Variants in CLTB observed in about 807,000 individuals in gnomAD.
The protein encoded by CLTB is clathrin light chain B.
A neutral mutation model predicts 30.5 loss-of-function variants in CLTB; 10 were observed. The ratio of observed to expected loss-of-function variants is 0.33; its 90% CI spans 0.20 to 0.56. The LOEUF (loss-of-function observed/expected upper bound fraction) is 0.56, where lower values mean the gene tolerates loss of function less well. CLTB is among the 20% of genes least tolerant of loss of function. The probability of loss-of-function intolerance (pLI) is 0.91; values close to 1 mark genes in which losing one functional copy is unlikely to be tolerated. For missense variants in CLTB, 261 were observed against 308.3 expected (o/e 0.85, Z 1.15); for synonymous variants, 102 against 120.3 (o/e 0.85, Z 1.00).
rs529868498 is a variant in CLTB, at chr5:176,411,971, T to G, written c.188-1668A>C. Among the ~76,000 whole-genome samples the G allele has an allele frequency of 1.7e-3, 251 of 151,962 alleles. 2 individuals carry two copies. The highest frequency in any genetic ancestry group is 3.9e-3 in the South Asian group (19 of 4,816). ...GTGGGCAGATCACGAAGTCAGGAGA[T>G]CGAGACCATCCTGGCTAACACGGTG... On this transcript the variant is annotated intron_variant, in intron 1 of 5. Coordinates refer to ENST00000310418, the MANE Select transcript of CLTB (RefSeq NM_007097.5).
chr5:176,416,222 C>T lies in CLTB; in HGVS notation c.142G>A (p.Ala48Thr). The change falls in exon 1 of 6, where the codon GCC (alanine) becomes ACC (threonine). Residue 48 changes from alanine (A) to threonine (T), a missense_variant. Physicochemically the swap from Ala to Thr is moderately conservative, Grantham distance 58. Around this residue, in one of 3 missense-constraint regions of CLTB, gnomAD observed 113 missense variants for 102.5 expected, o/e 1.10. Coordinates refer to ENST00000310418, the MANE Select transcript of CLTB (RefSeq NM_007097.5). ...IENDEGFGAP[A>T]GSHAAPAQPG... ...TGCGCGGGGGCCGCATGGCTGCCGGCAGGTGCCCCGAAGCCCTCGTCGTTC... is the reference window on the plus strand; with the variant it reads ...TGCGCGGGGGCCGCATGGCTGCCGGTAGGTGCCCCGAAGCCCTCGTCGTTC... The T allele has an allele frequency of 6.3e-7, 1 of 1,598,290 alleles. No homozygotes were observed. Among genetic ancestry groups the T allele is most frequent in the Non-Finnish European group, 8.5e-7 (1 of 1,174,776 alleles).
At chr5:176,405,489 C>CAAAAAAAAAAAAAAA (rs988554368) in intron 2 of CLTB, 1 of 52,238 alleles carries the variant, frequency 1.9e-5, no homozygotes, top group Non-Finnish European at 3.6e-5. Flanking sequence ...CCCTGTCTCT[C>CAAAAAAAAAAAAAAA]AAAAAAAAAA....
rs138241670 is a variant in CLTB at position 176,414,510 on chromosome 5, C to T, written c.187+1667G>A. 1.9e-4 allele frequency among the ~76,000 whole-genome samples: 29 copies of T among 149,564 alleles called. No homozygotes were observed. The East Asian group carries it at 4.3e-3, about 22-fold the overall frequency. ...ACAGAGACGTGATCACAGCACACGG[C>T]GACCTACCTACACCTCCCGGGCTCA... On this transcript the variant is annotated intron_variant, in intron 1 of 5. Coordinates refer to ENST00000310418, the MANE Select transcript of CLTB (RefSeq NM_007097.5).
rs769037112 is a variant in CLTB at position 176,416,319 on chromosome 5, G to T, written c.45C>A (p.Ala15=). ...CCGGGTCCTCCTCCGCCGCCTCCGGGGCACCGCTCTCCGACGACGAGAAGA... is the reference window on the plus strand; with the variant it reads ...CCGGGTCCTCCTCCGCCGCCTCCGGTGCACCGCTCTCCGACGACGAGAAGA... The part of the protein sequence containing the change: ...FGFFSSSESG[A]PEAAEEDPAA... The change falls in exon 1 of 6, where the codon GCC becomes GCA. Residue 15 remains alanine, a synonymous_variant. Coordinates refer to ENST00000310418, the MANE Select transcript of CLTB (RefSeq NM_007097.5). 3 of 1,603,064 alleles carry T rather than the reference G, an allele frequency of 1.9e-6. No individual in the cohort carries two copies. Among genetic ancestry groups the T allele is most frequent in the Non-Finnish European group, 2.6e-6 (3 of 1,176,440 alleles).
chr5:176,415,355 C>A (rs940288462), intron 1 of CLTB, among the ~76,000 whole-genome samples: 1 of 152,084 alleles, frequency 6.6e-6, no homozygotes, highest in African/African-American at 2.4e-5. Flanking sequence ...GCAGTGTGGT[C>A]AGGTGGAGAG....
chr5:176,399,914 G>A (rs1258340651), intron 2 of CLTB, among the ~76,000 whole-genome samples: 2 of 145,860 alleles, frequency 1.4e-5, no homozygotes, highest in African/African-American at 2.5e-5. Flanking sequence ...GGAATAGACC[G>A]GGCACAGTGA....
Position 176,410,282 on chromosome 5 carries a change from G to A in CLTB, c.209C>T (p.Thr70Ile). 6.2e-7 allele frequency: 1 copy of A among 1,613,980 alleles called. No individual in the cohort carries two copies. Among genetic ancestry groups the A allele is most frequent in the Non-Finnish European group, 8.5e-7 (1 of 1,179,952 alleles). ...CTGAAACACATCTCCATTGACTGTG[G>A]TCCCCATGTCCTCAGAACCAGCTGG... ...TSGAGSEDMG[T>I]TVNGDVFQEA... The change falls in exon 2 of 6, where the codon ACC becomes ATC. Residue 70 changes from threonine to isoleucine, a missense_variant. This residue lies in a region of CLTB where 113 missense variants were observed against 102.5 expected (regional missense o/e 1.10). Coordinates refer to ENST00000310418, the MANE Select transcript of CLTB (RefSeq NM_007097.5).
At position 176,405,102 on chromosome 5, in the gene CLTB, C is replaced by CA. The variant is rs1757037939; in HGVS notation, c.234+5154dup. On this transcript the variant is annotated intron_variant, in intron 2 of 5. Coordinates refer to ENST00000310418, the MANE Select transcript of CLTB (RefSeq NM_007097.5). Reference sequence around the variant, plus strand: ...GCTGGTGCCTACACAGAGAAGAACTCAATCTGTTAGCTCCTAATGCTTCCC... The same window carrying CA: ...GCTGGTGCCTACACAGAGAAGAACTCAAATCTGTTAGCTCCTAATGCTTCCC... Among the ~76,000 whole-genome samples, 2 of 152,332 alleles carry CA rather than the reference C, an allele frequency of 1.3e-5. 1 individual carries two copies. The highest frequency in any genetic ancestry group is 4.1e-4 in the South Asian group (2 of 4,820).
At chr5:176,407,777 G>A (rs897027106) in intron 2 of CLTB, among the ~76,000 whole-genome samples, 1 of 152,132 alleles carries the variant, frequency 6.6e-6, no homozygotes, top group Non-Finnish European at 1.5e-5. Context: ...TGACTCCCTC[G>A]GGCCCAACTA....
chr5:176,397,245 C>G (rs563364125), intron 4 of CLTB, among the ~76,000 whole-genome samples: 4 of 152,100 alleles, frequency 2.6e-5, no homozygotes, highest in African/African-American at 9.7e-5. Context: ...GACCTTGTAC[C>G]GTGAAGGACA....
At chr5:176,395,416 G>A (rs1561791369) in intron 5 of CLTB, among the ~76,000 whole-genome samples, 1 of 152,202 alleles carries the variant, frequency 6.6e-6, no homozygotes, top group Admixed American at 6.5e-5. Flanking sequence ...CAAGGCGAGT[G>A]CCAAAGAGTA....
intron 2 of CLTB, 52 bp from the exon 3 acceptor site, chr5:176,398,099 T>C (rs1469720080): frequency 3.9e-6 from 6 of 1,534,826 alleles, no homozygotes; most frequent in Non-Finnish European, 5.4e-6. Context: ...TGCCCCGCTG[T>C]CTCTGCTGCC....
chr5:176,402,112 G>C (rs1176418965), intron 2 of CLTB, among the ~76,000 whole-genome samples: 1 of 152,084 alleles, frequency 6.6e-6, no homozygotes, highest in East Asian at 1.9e-4. Context: ...AGACCACCCT[G>C]GGCAACGTGG....
chr5:176,396,397 T>C (rs1756520493), intron 5 of CLTB, 82 bp downstream of exon 5: 1 of 1,247,138 alleles, frequency 8.0e-7, no homozygotes, highest in Non-Finnish European at 1.2e-6. Flanking sequence ...CTCATTTATA[T>C]CCCACAAGCA....
chr5:176,397,652 T>A lies in CLTB; in HGVS notation c.419A>T (p.Asn140Ile), dbSNP rs552006552. 2 of 1,610,838 alleles carry A rather than the reference T, an allele frequency of 1.2e-6. No individual in the cohort carries two copies. The highest frequency in any genetic ancestry group is 1.7e-6 in the Non-Finnish European group (2 of 1,178,494). ...EKAKKDLEEW[N>I]QRQSEQVEKN... ...CTCTACTTGTTCACTCTGGCGCTGGTTCCACTCCTCCAGGTCCTTCTTGGC... is the reference window on the plus strand; with the variant it reads ...CTCTACTTGTTCACTCTGGCGCTGGATCCACTCCTCCAGGTCCTTCTTGGC... Residue 140 changes from asparagine (N) to isoleucine (I), a missense_variant, in exon 4 of 6, where the codon AAC (asparagine) becomes ATC (isoleucine). This residue lies in a region of CLTB where 123 missense variants were observed against 157.0 expected (regional missense o/e 0.78). Coordinates refer to ENST00000310418, the MANE Select transcript of CLTB (RefSeq NM_007097.5).
intron 2 of CLTB, among the ~76,000 whole-genome samples, chr5:176,400,024 T>G (rs1024289469): frequency 1.3e-5 from 2 of 151,958 alleles, no homozygotes; most frequent in Non-Finnish European, 2.9e-5. Flanking sequence ...AAACCCCATC[T>G]CTACTAAAAA....
At chr5:176,404,703 G>A (rs1345308917) in intron 2 of CLTB, among the ~76,000 whole-genome samples, 1 of 152,200 alleles carries the variant, frequency 6.6e-6, no homozygotes, top group Non-Finnish European at 1.5e-5. Context: ...ACTCTAGTGG[G>A]GGCTATGCAG....
chr5:176,403,457 G>GT (rs149404509), intron 2 of CLTB, among the ~76,000 whole-genome samples: 27,280 of 147,674 alleles, frequency 0.18, 2,487 homozygotes, highest in South Asian at 0.27. Context: ...TTTTTGTTTT[G>GT]TTTTTTTTCT....
At chr5:176,396,099 C>T (rs1196085925) in intron 5 of CLTB, among the ~76,000 whole-genome samples, 5 of 152,158 alleles carry the variant, frequency 3.3e-5, no homozygotes, top group African/African-American at 1.2e-4. Context: ...CGCAGCACTG[C>T]ACTCCATCCT....
Sources: gnomAD v4.1 joint callset for allele counts (sites outside exome capture counted in the v4.1 genomes callset) on GRCh38, gnomAD v4.1.1 for gene constraint, gnomAD v4.1.1 regional missense constraint, MANE v1.5 for transcripts, NCBI Gene and HGNC (gene_info 2026-07-23, HGNC 2026-07-21) for gene names.